The following DENND3 variants were observed in gnomAD, a reference collection of about 807,000 sequenced individuals.
DENND3 encodes the protein DENN domain-containing protein 3.
A neutral mutation model predicts 135.1 loss-of-function variants in DENND3; 88 were observed. The observed-to-expected ratio is 0.65, with a 90% CI of 0.55 to 0.78. DENND3 has a LOEUF of 0.78. DENND3 is among the 30% of genes least tolerant of loss of function. DENND3 has a pLI of 0.00. For synonymous variants in DENND3, 693 were observed against 712.3 expected (o/e 0.97, Z 0.43); for missense variants, 1,392 against 1,688.4 (o/e 0.82, Z 3.08).
intron 11 of DENND3, 69 bp downstream of exon 11, chr8:141,165,358 T>C: frequency 8.1e-7 from 1 of 1,242,050 alleles, no homozygotes; most frequent in African/African-American, 1.5e-5. Flanking sequence ...CTCAGTTTTA[T>C]TCGAATGAGT....
intron 13 of DENND3, among the ~76,000 whole-genome samples, chr8:141,172,007 G>A (rs1265010961): frequency 1.3e-5 from 2 of 150,216 alleles, no homozygotes; most frequent in African/African-American, 4.9e-5. Flanking sequence ...GTGCACAGTG[G>A]GTGTGCATAT....
At chr8:141,147,582 C>G (rs182366249) in intron 5 of DENND3, among the ~76,000 whole-genome samples, 1 of 152,234 alleles carries the variant, frequency 6.6e-6, no homozygotes, top group Non-Finnish European at 1.5e-5. Context: ...TCACTCTCAG[C>G]GGTCAGGTCT....
chr8:141,158,721 C>T (rs1219537165), intron 8 of DENND3, among the ~76,000 whole-genome samples: 1 of 152,210 alleles, frequency 6.6e-6, no homozygotes, highest in African/African-American at 2.4e-5. Flanking sequence ...CCTTGCCCAG[C>T]TTTCCCCAGC....
Position 141,139,432 on chromosome 8 carries a change from T to C in DENND3, c.501+1295T>C, listed in dbSNP as rs187746163. On this transcript the variant is annotated intron_variant, in intron 3 of 22. Transcript: ENST00000519811. The surrounding 1 kb of genome is among the most constrained non-coding windows in gnomAD (Gnocchi z 4.2). ...TCTGGGAGAGGTCATTTTCACAGTG[T>C]GCCAAGAGCAGAACCAAGGTCAGCT... is the stretch of plus-strand genomic sequence containing the variant. Among the ~76,000 whole-genome samples, 372 of 152,292 alleles carry C rather than the reference T, an allele frequency of 2.4e-3. 2 individuals are homozygous for C. The highest frequency in any genetic ancestry group is 8.7e-3 in the African/African-American group (363 of 41,558).
intron 4 of DENND3, chr8:141,143,881 G>T: frequency 3.0e-6 from 1 of 338,598 alleles, no homozygotes; most frequent in Non-Finnish European, 5.4e-6. Context: ...ACACACACAT[G>T]TAACTAGCAC....
chr8:141,154,824 A>G lies in DENND3; in HGVS notation c.1075-1025A>G, dbSNP rs1309376958. The stretch of plus-strand genomic sequence containing the variant: ...GTGATCCACCCACCTCGGCCTCCCA[A>G]AGTGTTGGGATTACAGGCATGAGCC... On this transcript the variant is annotated intron_variant, in intron 7 of 22. Coordinates refer to ENST00000519811, the MANE Select transcript of DENND3 (RefSeq NM_001352890.3). The surrounding 1 kb of genome is among the most constrained non-coding windows in gnomAD (Gnocchi z 4.4). Among the ~76,000 whole-genome samples, 1 of 152,130 alleles carries G rather than the reference A, an allele frequency of 6.6e-6. No homozygotes were observed. Among genetic ancestry groups the G allele is most frequent in the Non-Finnish European group, 1.5e-5 (1 of 68,010 alleles).
intron 9 of DENND3, among the ~76,000 whole-genome samples, chr8:141,161,584 C>G (rs554382920): frequency 1.3e-5 from 2 of 152,222 alleles, no homozygotes; most frequent in African/African-American, 2.4e-5. Context: ...AATGCAAAAG[C>G]CTTTGGGCTT....
In DENND3 at chr8:141,141,339, C is replaced by T. The variant is rs7825201; in HGVS notation, c.623+15C>T. 2,445 of 1,407,312 alleles carry T rather than the reference C, an allele frequency of 1.7e-3. 38 individuals carry two copies. In the African/African-American group the frequency reaches 0.033, roughly 19 times the overall value. The allele number at this position is 1,407,312 out of a possible 1,614,324, so 87.2% of individuals were successfully genotyped here. A position where few individuals can be genotyped will look rare whatever the true frequency, so the allele number is the denominator to read the frequency against. On this transcript the variant is annotated intron_variant, in intron 4 of 22. Coordinates refer to ENST00000519811, the MANE Select transcript of DENND3 (RefSeq NM_001352890.3). The surrounding 1 kb of genome is among the most constrained non-coding windows in gnomAD (Gnocchi z 5.3). ...TGCCTTTCCTGGTGAGCTGGGGCACCGGGGGCCAGGGGTGGTAGGGGGCAG... is the reference window on the plus strand; with the variant it reads ...TGCCTTTCCTGGTGAGCTGGGGCACTGGGGGCCAGGGGTGGTAGGGGGCAG...
At position 141,175,472 on chromosome 8, in the gene DENND3, C is replaced by A. The variant is rs769363912; in HGVS notation, c.2535+13C>A. The A allele has an allele frequency of 6.2e-7, 1 of 1,614,020 alleles. No homozygotes were observed. The highest frequency in any genetic ancestry group is 2.2e-5 in the East Asian group (1 of 44,896). On this transcript the variant is annotated intron_variant, in intron 14 of 22. Transcript: ENST00000519811. This position sits in a 1 kb window ranked among gnomAD's most constrained non-coding sequence, Gnocchi z 5.4. ...CAGAAATATAGAGGTAAGGACAGCACAGGCAGACGGCGCCAGACCCCACCT... is the reference window on the plus strand; with the variant it reads ...CAGAAATATAGAGGTAAGGACAGCAAAGGCAGACGGCGCCAGACCCCACCT...
At chr8:141,143,860 C>A in intron 4 of DENND3, 1 of 287,760 alleles carries the variant, frequency 3.5e-6, no homozygotes, top group Non-Finnish European at 6.4e-6. Flanking sequence ...CAGTGATTTC[C>A]CACAAATTGA....
At position 141,142,897 on chromosome 8, in the gene DENND3, G is replaced by A. The variant is rs74759593; in HGVS notation, c.624-1251G>A. On this transcript the variant is annotated intron_variant, in intron 4 of 22. Coordinates refer to ENST00000519811, the MANE Select transcript of DENND3 (RefSeq NM_001352890.3). Reference sequence around the variant, plus strand: ...CAGGAAGAAAGGAGGTGTTTTCTCCGCCTCCTGGTCGATGTTATGTGTGTT... The same window carrying A: ...CAGGAAGAAAGGAGGTGTTTTCTCCACCTCCTGGTCGATGTTATGTGTGTT... 738 of 156,186 alleles carry A rather than the reference G, an allele frequency of 4.7e-3. 1 individual carries two copies. Among genetic ancestry groups the A allele is most frequent in the Non-Finnish European group, 7.8e-3 (550 of 70,104 alleles). 9.7% of individuals were successfully genotyped at this position (156,186 alleles called of 1,614,324 possible).
In DENND3 at chr8:141,182,944, C is replaced by T. The variant is rs1823356295; in HGVS notation, c.2944+2090C>T. Among the ~76,000 whole-genome samples the T allele has an allele frequency of 6.6e-6, 1 of 152,212 alleles. No homozygotes were observed. The highest frequency in any genetic ancestry group is 2.1e-4 in the South Asian group (1 of 4,830). ...CCACTGGAATCGCACCCCAGAAAGACCGGGAGGCCTGCCCTTCTGGACTCA... is the reference window on the plus strand; with the variant it reads ...CCACTGGAATCGCACCCCAGAAAGATCGGGAGGCCTGCCCTTCTGGACTCA... On this transcript the variant is annotated intron_variant, in intron 17 of 22. Transcript: ENST00000519811. The surrounding 1 kb of genome is among the most constrained non-coding windows in gnomAD (Gnocchi z 5.9).
At chr8:141,145,820 TATATATATATATATATATATATATATATA>T (rs1408126012) in intron 5 of DENND3, among the ~76,000 whole-genome samples, 28 of 36,614 alleles carry the variant, frequency 7.6e-4, no homozygotes, top group African/African-American at 2.5e-3. Flanking sequence ...TATATATATA[TATATATATATATATATATATATATATATA>T]TGTATTTTTT....
chr8:141,185,356 G>C (rs770952859), intron 18 of DENND3, 78 bp downstream of exon 18: 2 of 1,582,068 alleles, frequency 1.3e-6, no homozygotes, highest in Non-Finnish European at 1.7e-6. Context: ...ATCCATATTC[G>C]ACAGTAGGAT....
chr8:141,166,912 C>A lies in DENND3; in HGVS notation c.1753+523C>A, dbSNP rs1395070499. Reference sequence around the variant, plus strand: ...CATGGAGAGGCCAAGCCCAGCCTCGCGCCTTCTTGGGGAGGTACGTCCTGT... The same window carrying A: ...CATGGAGAGGCCAAGCCCAGCCTCGAGCCTTCTTGGGGAGGTACGTCCTGT... On this transcript the variant is annotated intron_variant, in intron 12 of 22. Transcript: ENST00000519811. This position sits in a 1 kb window ranked among gnomAD's most constrained non-coding sequence, Gnocchi z 4.3. 6.6e-6 allele frequency among the ~76,000 whole-genome samples: 1 copy of A among 151,896 alleles called. No individual in the cohort carries two copies. Among genetic ancestry groups the A allele is most frequent in the African/African-American group, 2.4e-5 (1 of 41,170 alleles).
intron 1 of DENND3, among the ~76,000 whole-genome samples, chr8:141,133,571 C>T (rs1024307258): frequency 6.6e-6 from 1 of 152,166 alleles, no homozygotes; most frequent in Non-Finnish European, 1.5e-5. Flanking sequence ...CAAGGCTTTG[C>T]TTCTGGTTAC....
intron 20 of DENND3, 198 bp from the exon 21 acceptor site, chr8:141,192,133 A>G (rs1589730171): frequency 1.8e-6 from 1 of 567,618 alleles, no homozygotes; most frequent in East Asian, 3.0e-5. Flanking sequence ...GGTGAGCCTC[A>G]TTTCTTCTTA....
chr8:141,144,308 G>C lies in DENND3; in HGVS notation c.735+49G>C. On this transcript the variant is annotated intron_variant, in intron 5 of 22. Coordinates refer to ENST00000519811, the MANE Select transcript of DENND3 (RefSeq NM_001352890.3). This position sits in a 1 kb window ranked among gnomAD's most constrained non-coding sequence, Gnocchi z 4.4. ...TGTTTTTTCTTTGCAAATAGTAAAA[G>C]TAAGATGTTGAAGATAATGTAAATG... 1 of 1,492,848 alleles carries C rather than the reference G, an allele frequency of 6.7e-7. No homozygotes were observed. 92.5% of individuals were successfully genotyped at this position (1,492,848 alleles called of 1,614,324 possible). A position where few individuals can be genotyped will look rare whatever the true frequency, so the allele number is the denominator to read the frequency against.
chr8:141,188,774 G>A (rs904545113), intron 18 of DENND3: 6 of 577,386 alleles, frequency 1.0e-5, no homozygotes, highest in African/African-American at 9.6e-5. Context: ...TCAATAAGGT[G>A]TCTGTGAACA....
Sources: gnomAD v4.1 joint callset for allele counts (sites outside exome capture counted in the v4.1 genomes callset) on GRCh38, gnomAD v4.1.1 for gene constraint, Gnocchi (gnomAD v3.1) non-coding constraint, MANE v1.5 for transcripts, NCBI Gene and HGNC (gene_info 2026-07-23, HGNC 2026-07-21) for gene names.